ITGB2: variants seen among roughly 807,000 people sequenced by gnomAD.
ITGB2 encodes the protein integrin subunit beta 2, also known as integrin beta-2.
A neutral mutation model predicts 86.8 loss-of-function variants in ITGB2; 56 were observed. That is an observed-to-expected ratio of 0.65 (90% CI 0.52 to 0.81). The LOEUF is 0.81. ITGB2 is among the 30% of genes least tolerant of loss of function. The pLI, the probability that ITGB2 is intolerant of heterozygous loss-of-function variation, is 0.00. For synonymous variants in ITGB2, 457 were observed against 450.4 expected (o/e 1.01, Z -0.19); for missense variants, 948 against 1,061.2 (o/e 0.89, Z 1.48).
rs142869795 is a variant in ITGB2 at position 44,916,437 on chromosome 21, G to A, written c.-4+4384C>T. On this transcript the variant is annotated intron_variant, in intron 1 of 15. Transcript: ENST00000652462. ...AGACTGTCTGTTCCTGGGTGGCGAC[G>A]TGAGGCCGAGGCCCCGGACACTCTT... is the stretch of plus-strand genomic sequence containing the variant. 2.0e-4 allele frequency among the ~76,000 whole-genome samples: 30 copies of A among 152,266 alleles called. 1 individual carries two copies. In the East Asian group the frequency reaches 4.8e-3, roughly 24 times the overall value.
At chr21:44,904,133 A>G (rs1300489269) in intron 4 of ITGB2, among the ~76,000 whole-genome samples, 2 of 152,118 alleles carry the variant, frequency 1.3e-5, no homozygotes, top group Admixed American at 6.5e-5. Context: ...ATAAACACAC[A>G]TCATGTTAAT....
Position 44,889,833 on chromosome 21 carries a change from C to T in ITGB2, c.1657+145G>A, listed in dbSNP as rs374066664. 1,306 of 1,228,468 alleles carry T rather than the reference C, an allele frequency of 1.1e-3. 12 individuals are homozygous for T. Among genetic ancestry groups the T allele is most frequent in the South Asian group, 0.01 (786 of 75,390 alleles). The allele number at this position is 1,228,468 out of a possible 1,614,324, so 76.1% of individuals were successfully genotyped here. On this transcript the variant is annotated intron_variant, in intron 12 of 15. Coordinates refer to ENST00000652462, the MANE Select transcript of ITGB2 (RefSeq NM_000211.5). ...GCAGGGCCATCCAAGTTCCTGCTGA[C>T]GCCCGGTGGCTGGGCGAGACTTGCA...
chr21:44,927,928 G>C (rs555199980), intron 1 of ITGB2: 1 of 152,374 alleles, frequency 6.6e-6, no homozygotes, highest in Admixed American at 6.5e-5. Context: ...ATGGAGATCT[G>C]CCCCGGGGAA....
At chr21:44,916,698 T>C (rs960960362) in intron 1 of ITGB2, among the ~76,000 whole-genome samples, 2 of 151,374 alleles carry the variant, frequency 1.3e-5, no homozygotes. Context: ...TGAAACCCCA[T>C]CTCTACTAAA....
chr21:44,892,604 CAA>C (rs11327948), intron 10 of ITGB2, among the ~76,000 whole-genome samples: 1,266 of 71,080 alleles, frequency 0.018, 5 homozygotes, highest in African/African-American at 0.049. Flanking sequence ...AACTCCATCT[CAA>C]AAAAAAAAAA....
chr21:44,892,604 C>CAAAAAAAAA (rs11327948), intron 10 of ITGB2, among the ~76,000 whole-genome samples: 11 of 71,150 alleles, frequency 1.5e-4, no homozygotes, highest in African/African-American at 2.7e-4. Flanking sequence ...AACTCCATCT[C>CAAAAAAAAA]AAAAAAAAAA....
At chr21:44,924,911 C>G (rs891817842), upstream of ITGB2, among the ~76,000 whole-genome samples, 1 of 152,190 alleles carries the variant, frequency 6.6e-6, no homozygotes, top group East Asian at 1.9e-4. Context: ...CCACACACCC[C>G]TAGAGCAGGA....
At chr21:44,926,563 G>C (rs1243765857) in intron 1 of ITGB2, among the ~76,000 whole-genome samples, 1 of 152,194 alleles carries the variant, frequency 6.6e-6, no homozygotes, top group Non-Finnish European at 1.5e-5. Context: ...CCACAGGAAA[G>C]AGTAGATGTT....
At chr21:44,919,958 C>A (rs2084276005) in intron 1 of ITGB2, among the ~76,000 whole-genome samples, 1 of 152,162 alleles carries the variant, frequency 6.6e-6, no homozygotes, top group Non-Finnish European at 1.5e-5. Flanking sequence ...TGGCTTCAAT[C>A]CCCCTCCCAC....
In ITGB2 at chr21:44,886,225, C is replaced by G; in HGVS notation, c.*143G>C. The G allele has an allele frequency of 3.6e-6, 3 of 828,920 alleles. No homozygotes were observed. The highest frequency in any genetic ancestry group is 6.2e-6 in the Non-Finnish European group (3 of 485,290). 51.3% of individuals were successfully genotyped at this position (828,920 alleles called of 1,614,324 possible). A position where few individuals can be genotyped will look rare whatever the true frequency, so the allele number is the denominator to read the frequency against. On this transcript the variant is annotated 3_prime_UTR_variant, in exon 16 of 16. Coordinates refer to ENST00000652462, the MANE Select transcript of ITGB2 (RefSeq NM_000211.5). The stretch of plus-strand genomic sequence containing the variant: ...CGAGCCCCCAGAAGCACCCGGCCGG[C>G]CATGGCTGTCATTTTGAGGGCGGAA...
intron 1 of ITGB2, among the ~76,000 whole-genome samples, chr21:44,916,861 T>G (rs2084219392): frequency 7.1e-6 from 1 of 140,924 alleles, no homozygotes; most frequent in African/African-American, 2.7e-5. Context: ...AGAGTGAAAC[T>G]GTCTCAAAAG....
intron 1 of ITGB2, among the ~76,000 whole-genome samples, chr21:44,917,084 C>A (rs1454411702): frequency 6.6e-6 from 1 of 152,138 alleles, no homozygotes; most frequent in East Asian, 1.9e-4. Flanking sequence ...GCACCCTGAG[C>A]AGGTAATTCA....
intron 8 of ITGB2, among the ~76,000 whole-genome samples, chr21:44,897,635 G>A (rs556558772): frequency 3.3e-5 from 5 of 152,202 alleles, no homozygotes; most frequent in African/African-American, 9.6e-5. Flanking sequence ...GGCCTGGGGC[G>A]TCCTGTGGTA....
chr21:44,910,902 G>T, intron 1 of ITGB2, 117 bp from the exon 2 acceptor site: 1 of 1,063,586 alleles, frequency 9.4e-7, no homozygotes, highest in Non-Finnish European at 1.4e-6. Context: ...CCCTGCTGCA[G>T]GGGGTGGGTT....
chr21:44,926,871 T>G (rs895592681), intron 1 of ITGB2: 1 of 152,282 alleles, frequency 6.6e-6, no homozygotes, highest in Non-Finnish European at 1.5e-5. Context: ...CTGGCAGACC[T>G]GCGTGCTCTG....
At chr21:44,921,937 T>C (rs1472322370), upstream of ITGB2, among the ~76,000 whole-genome samples, 1 of 152,232 alleles carries the variant, frequency 6.6e-6, no homozygotes, top group Non-Finnish European at 1.5e-5. Flanking sequence ...TTGACCAGGC[T>C]GGTCTTGAAC....
intron 12 of ITGB2, 130 bp from the exon 13 acceptor site, chr21:44,889,625 G>A (rs763970364): frequency 8.5e-6 from 8 of 942,952 alleles, no homozygotes; most frequent in Non-Finnish European, 1.3e-5. Flanking sequence ...TGAGCAAAAG[G>A]CATGGGGCCA....
chr21:44,915,181 G>A (rs575029757), intron 1 of ITGB2, among the ~76,000 whole-genome samples: 47 of 152,186 alleles, frequency 3.1e-4, no homozygotes, highest in African/African-American at 1.1e-3. Context: ...CCACGACCAC[G>A]CCCAGCTAAT....
intron 1 of ITGB2, among the ~76,000 whole-genome samples, chr21:44,914,738 C>T (rs907980737): frequency 9.2e-5 from 14 of 152,100 alleles, no homozygotes; most frequent in Non-Finnish European, 1.5e-5. Flanking sequence ...GCCTGGGCAA[C>T]ACAGTGAGAC....
Sources: allele counts gnomAD v4.1 joint callset (sites outside exome capture counted in the v4.1 genomes callset), GRCh38; gene constraint gnomAD v4.1.1; transcripts MANE v1.5; gene names NCBI Gene and HGNC (gene_info 2026-07-23, HGNC 2026-07-21).